Variants in PTPRD observed in about 807,000 individuals in gnomAD.
The protein encoded by PTPRD is protein tyrosine phosphatase receptor type D.
A neutral mutation model predicts 214.5 loss-of-function variants in PTPRD; 34 were observed. The ratio of observed to expected loss-of-function variants is 0.16; its 90% CI spans 0.12 to 0.21. The LOEUF (loss-of-function observed/expected upper bound fraction) is 0.21, where lower values mean the gene tolerates loss of function less well. Ranked by LOEUF, PTPRD falls within the 10% of genes least tolerant of loss-of-function variation. The pLI, the probability that PTPRD is intolerant of heterozygous loss-of-function variation, is 1.00. For missense variants in PTPRD, 2,545 were observed against 2,398.7 expected (o/e 1.06, Z -1.27); for synonymous variants, 1,128 against 845.7 (o/e 1.33, Z -5.79).
In PTPRD at chr9:8,662,888, CTACA is replaced by C. The variant is rs1457870582; in HGVS notation, c.65-26048_65-26045del. Among the ~76,000 whole-genome samples, 45 of 152,214 alleles carry C rather than the reference CTACA, an allele frequency of 3.0e-4. 1 individual carries two copies. The East Asian group carries it at 4.1e-3, about 14-fold the overall frequency. ...TGATTATCTTAAAGGAAACCTCTTT[CTACA>C]TATGTATATAAAAGTTAAATGCTAA... On this transcript the variant is annotated intron_variant, in intron 12 of 45. Coordinates refer to ENST00000381196, the MANE Select transcript of PTPRD (RefSeq NM_002839.4).
rs141998914 is a variant in PTPRD, at chr9:9,810,234, A to G, written c.-367-43383T>C. The stretch of plus-strand genomic sequence containing the variant: ...ACTTTATTGTAAGAATATATACTAC[A>G]TAGACTATACAAAATATGTGTTAAT... On this transcript the variant is annotated intron_variant, in intron 5 of 45. Transcript: ENST00000381196. Among the ~76,000 whole-genome samples the G allele has an allele frequency of 5.9e-5, 9 of 152,104 alleles. No individual in the cohort carries two copies. The East Asian group carries it at 1.7e-3, about 29-fold the overall frequency.
chr9:10,043,516 A>G (rs193110242), intron 3 of PTPRD, among the ~76,000 whole-genome samples: 1 of 151,932 alleles, frequency 6.6e-6, no homozygotes, highest in East Asian at 1.9e-4. Context: ...TATGGGATTC[A>G]GAGGTAAATT....
chr9:9,247,743 T>A (rs1044289338), intron 9 of PTPRD, among the ~76,000 whole-genome samples: 7 of 152,006 alleles, frequency 4.6e-5, no homozygotes, highest in African/African-American at 1.7e-4. Context: ...TAGTTCTCCA[T>A]CTTTGGTTAA....
intron 10 of PTPRD, among the ~76,000 whole-genome samples, chr9:9,065,187 T>G (rs1007567093): frequency 1.2e-4 from 18 of 151,990 alleles, no homozygotes. Flanking sequence ...AATTAAAAAG[T>G]GTATTAGGAA....
intron 11 of PTPRD, among the ~76,000 whole-genome samples, chr9:8,949,967 G>GAGTA (rs2099092699): frequency 6.6e-6 from 1 of 152,164 alleles, no homozygotes; most frequent in African/African-American, 2.4e-5. Flanking sequence ...ACAGAAGGGA[G>GAGTA]AGTAGTACAG....
chr9:9,074,689 T>C (rs2099748490), intron 10 of PTPRD, among the ~76,000 whole-genome samples: 1 of 152,086 alleles, frequency 6.6e-6, no homozygotes. Context: ...TCAGAGCTTT[T>C]GCCCATTTTT....
intron 7 of PTPRD, among the ~76,000 whole-genome samples, chr9:9,620,139 A>G (rs564420260): frequency 3.9e-5 from 6 of 152,158 alleles, no homozygotes; most frequent in African/African-American, 1.4e-4. Context: ...GGAATTTCTA[A>G]TTTCCTACTT....
At chr9:8,364,860 T>C (rs1247220095) in intron 39 of PTPRD, among the ~76,000 whole-genome samples, 1 of 152,226 alleles carries the variant, frequency 6.6e-6, no homozygotes, top group Non-Finnish European at 1.5e-5. Context: ...GGATGCTTAA[T>C]TGGGTCTAAT....
At chr9:9,446,847 G>A (rs562630728) in intron 8 of PTPRD, among the ~76,000 whole-genome samples, 10 of 152,162 alleles carry the variant, frequency 6.6e-5, no homozygotes, top group South Asian at 2.1e-4. Context: ...ATTAAAAATT[G>A]GGCAAAGGAC....
chr9:9,718,813 C>A (rs2097881301), intron 7 of PTPRD, among the ~76,000 whole-genome samples: 1 of 152,176 alleles, frequency 6.6e-6, no homozygotes, highest in Non-Finnish European at 1.5e-5. Flanking sequence ...TGCCAACAAG[C>A]ACAGGAGGGA....
At chr9:10,158,685 C>A (rs975029446) in intron 3 of PTPRD, among the ~76,000 whole-genome samples, 6 of 152,126 alleles carry the variant, frequency 3.9e-5, no homozygotes, top group African/African-American at 1.2e-4. Flanking sequence ...TTCATATCCA[C>A]GATGCCTCCT....
chr9:9,521,219 C>T (rs1017653073), intron 8 of PTPRD, among the ~76,000 whole-genome samples: 1 of 152,074 alleles, frequency 6.6e-6, no homozygotes, highest in African/African-American at 2.4e-5. Flanking sequence ...TGAACAAAGT[C>T]GCTACAGCAG....
intron 2 of PTPRD, among the ~76,000 whole-genome samples, chr9:10,584,475 A>C (rs1243696672): frequency 1.3e-5 from 2 of 152,136 alleles, no homozygotes; most frequent in Admixed American, 6.5e-5. Context: ...AGACATGATC[A>C]CTCAGTAGAG....
At chr9:8,525,408 G>T (rs1031321985) in intron 17 of PTPRD, among the ~76,000 whole-genome samples, 1 of 151,896 alleles carries the variant, frequency 6.6e-6, no homozygotes, top group African/African-American at 2.4e-5. Flanking sequence ...TTTCATTTGG[G>T]TACCAAAAGT....
chr9:8,914,389 CA>C (rs2098770164), intron 11 of PTPRD, among the ~76,000 whole-genome samples: 1 of 152,034 alleles, frequency 6.6e-6, no homozygotes, highest in African/African-American at 2.4e-5. Context: ...AACTTTTAAA[CA>C]GAAATAAAAA....
Position 9,354,814 on chromosome 9 carries a change from G to A in PTPRD, c.-203+42635C>T, listed in dbSNP as rs2053073513. 2.0e-5 allele frequency among the ~76,000 whole-genome samples: 3 copies of A among 151,854 alleles called. 1 individual carries two copies. The South Asian group carries it at 6.2e-4, about 32-fold the overall frequency. Reference sequence around the variant, plus strand: ...GAAACTGAGATTTGAGCAAACACATGCAAGAAGTGATGGAGTTGTGCATGA... The same window carrying A: ...GAAACTGAGATTTGAGCAAACACATACAAGAAGTGATGGAGTTGTGCATGA... On this transcript the variant is annotated intron_variant, in intron 9 of 45. Transcript: ENST00000381196.
intron 5 of PTPRD, among the ~76,000 whole-genome samples, chr9:9,887,763 A>C (rs1005287841): frequency 2.0e-5 from 3 of 152,134 alleles, no homozygotes; most frequent in Non-Finnish European, 2.9e-5. Flanking sequence ...AGGAGTAGAA[A>C]GTTTTACTAG....
chr9:9,792,617 T>G (rs2098975659), intron 5 of PTPRD, among the ~76,000 whole-genome samples: 1 of 152,170 alleles, frequency 6.6e-6, no homozygotes, highest in Non-Finnish European at 1.5e-5. Flanking sequence ...CATACATTGC[T>G]TCAAATTCAA....
In PTPRD at chr9:8,961,783, C is replaced by G. The variant is rs1215595791; in HGVS notation, c.-104+56914G>C. 6.6e-5 allele frequency among the ~76,000 whole-genome samples: 10 copies of G among 152,244 alleles called. No individual in the cohort carries two copies. In the East Asian group the frequency reaches 1.9e-3, roughly 29 times the overall value. Reference sequence around the variant, plus strand: ...ACATCTGCATATGACTTCACAGCATCTGGCACTGTTTGAAACACAGAATCC... The same window carrying G: ...ACATCTGCATATGACTTCACAGCATGTGGCACTGTTTGAAACACAGAATCC... On this transcript the variant is annotated intron_variant, in intron 11 of 45. Transcript: ENST00000381196.
Sources: gnomAD v4.1 joint callset for allele counts (sites outside exome capture counted in the v4.1 genomes callset) on GRCh38, gnomAD v4.1.1 for gene constraint, MANE v1.5 for transcripts, NCBI Gene and HGNC (gene_info 2026-07-23, HGNC 2026-07-21) for gene names.